TUSC3: variants seen among roughly 807,000 people sequenced by gnomAD.
TUSC3 encodes the protein tumor suppressor candidate 3, also known as dolichyl-diphosphooligosaccharide--protein glycosyltransferase subunit TUSC3.
Under a neutral mutation model 44.8 loss-of-function variants are expected in TUSC3, and 45 were observed. That is an observed-to-expected ratio of 1.00 (90% CI 0.79 to 1.29). The LOEUF is 1.29. Among genes scored for constraint, TUSC3 ranks in the 50% most tolerant of loss-of-function variants. The probability of loss-of-function intolerance (pLI) is 0.00; values close to 1 mark genes in which losing one functional copy is unlikely to be tolerated. For synonymous variants in TUSC3, 212 were observed against 152.9 expected (o/e 1.39, Z -2.85); for missense variants, 519 against 437.9 (o/e 1.19, Z -1.65).
intron 6 of TUSC3, among the ~76,000 whole-genome samples, chr8:15,714,526 G>C (rs1809988730): frequency 6.6e-6 from 1 of 152,140 alleles, no homozygotes; most frequent in African/African-American, 2.4e-5. Flanking sequence ...AGAAACTTTA[G>C]AGGTGATACC....
the TUSC3 span, chr8:15,806,908 A>C: frequency 7.3e-7 from 1 of 1,372,682 alleles, no homozygotes; most frequent in Admixed American, 1.7e-5. Context: ...ACATCTGTTG[A>C]CCCACTTCTA....
intron 2 of TUSC3, among the ~76,000 whole-genome samples, chr8:15,509,212 G>A (rs150683205): frequency 8.5e-5 from 13 of 152,318 alleles, no homozygotes; most frequent in African/African-American, 3.1e-4. Flanking sequence ...TATTGGAGAT[G>A]ATAGTCTTTT....
At chr8:15,795,731 G>A in the TUSC3 span, among the ~76,000 whole-genome samples, 1 of 152,196 alleles carries the variant, frequency 6.6e-6, no homozygotes, top group African/African-American at 2.4e-5. Flanking sequence ...ATCAGTTTTT[G>A]GGCAAAAGTC....
chr8:15,521,990 C>A (rs573849645), intron 2 of TUSC3, among the ~76,000 whole-genome samples: 2 of 152,342 alleles, frequency 1.3e-5, no homozygotes, highest in South Asian at 4.1e-4. Context: ...GTAACTCAAA[C>A]TACTGGGGTT....
At chr8:15,417,637 A>G (rs895204488) in intron 1 of TUSC3, among the ~76,000 whole-genome samples, 1 of 152,196 alleles carries the variant, frequency 6.6e-6, no homozygotes, top group Non-Finnish European at 1.5e-5. Context: ...GTAAATATAT[A>G]CTAGAGAGAA....
chr8:15,819,125 T>A, the TUSC3 span, among the ~76,000 whole-genome samples: 2 of 152,296 alleles, frequency 1.3e-5, no homozygotes, highest in African/African-American at 4.8e-5. Context: ...GTGCTTATTT[T>A]TTCATTCTCC....
At chr8:15,795,527 C>A in the TUSC3 span, among the ~76,000 whole-genome samples, 1 of 152,152 alleles carries the variant, frequency 6.6e-6, no homozygotes, top group Non-Finnish European at 1.5e-5. Flanking sequence ...CTAATGAGAG[C>A]CTCATTTTGG....
intron 1 of TUSC3, among the ~76,000 whole-genome samples, chr8:15,560,211 T>C (rs1286915163): frequency 8.2e-5 from 12 of 146,710 alleles, no homozygotes; most frequent in African/African-American, 3.0e-4. Flanking sequence ...GGTGACAAAA[T>C]CTCTCAGCAT....
At chr8:15,498,189 T>C (rs1002738220) in intron 2 of TUSC3, among the ~76,000 whole-genome samples, 60 of 152,120 alleles carry the variant, frequency 3.9e-4, no homozygotes, top group African/African-American at 1.3e-3. Context: ...GAAAAACAGA[T>C]GAGTTTATTT....
intron 1 of TUSC3, among the ~76,000 whole-genome samples, chr8:15,597,285 C>A (rs1434015574): frequency 6.6e-6 from 1 of 152,186 alleles, no homozygotes; most frequent in Admixed American, 6.5e-5. Context: ...GCCCTTAGAT[C>A]TTAAGAGATC....
intron 1 of TUSC3, among the ~76,000 whole-genome samples, chr8:15,550,583 C>G (rs1450707016): frequency 6.6e-6 from 1 of 151,548 alleles, no homozygotes; most frequent in Non-Finnish European, 1.5e-5. Context: ...TGCCCCCATC[C>G]CCTGTCCTTT....
intron 1 of TUSC3, among the ~76,000 whole-genome samples, chr8:15,446,713 C>T (rs890657527): frequency 9.9e-5 from 10 of 100,828 alleles, no homozygotes; most frequent in Admixed American, 1.6e-4. Flanking sequence ...AGAGGGAGAC[C>T]GTGGAAAGTG....
intron 8 of TUSC3, among the ~76,000 whole-genome samples, chr8:15,747,132 A>G (rs1159024994): frequency 1.3e-5 from 2 of 152,048 alleles, no homozygotes; most frequent in African/African-American, 4.8e-5. Context: ...TTTGCAGACC[A>G]TATTTTGACA....
intron 1 of TUSC3, among the ~76,000 whole-genome samples, chr8:15,550,640 C>T (rs142832558): frequency 6.6e-6 from 1 of 151,342 alleles, no homozygotes; most frequent in Non-Finnish European, 1.5e-5. Context: ...TTTCCTCTGT[C>T]TTTTTGTAGC....
the TUSC3 span, among the ~76,000 whole-genome samples, chr8:15,794,498 A>G: frequency 1.3e-5 from 2 of 152,318 alleles, no homozygotes; most frequent in South Asian, 4.1e-4. Context: ...CCTACTTGCA[A>G]TCCGGCAACT....
chr8:15,601,485 C>T (rs964923622), intron 1 of TUSC3, among the ~76,000 whole-genome samples: 9 of 151,622 alleles, frequency 5.9e-5, no homozygotes, highest in African/African-American at 2.2e-4. Flanking sequence ...AACATGACAG[C>T]AAAACTGAGA....
chr8:15,511,579 A>G (rs532605034), intron 2 of TUSC3, among the ~76,000 whole-genome samples: 2 of 152,198 alleles, frequency 1.3e-5, no homozygotes, highest in Non-Finnish European at 2.9e-5. Flanking sequence ...TAAAAGGTGT[A>G]TAAGAAAGGA....
Position 15,673,834 on chromosome 8 carries a change from G to C in TUSC3, c.796G>C (p.Val266Leu). The C allele has an allele frequency of 6.2e-7, 1 of 1,610,704 alleles. No individual in the cohort carries two copies. Among genetic ancestry groups the C allele is most frequent in the South Asian group, 1.1e-5 (1 of 90,984 alleles). Residue 266 changes from valine (V) to leucine (L), a missense_variant and splice_region_variant, in exon 6 of 11, where the codon GTG becomes CTG. Coordinates refer to ENST00000503731, the MANE Select transcript of TUSC3 (RefSeq NM_006765.4). Reference sequence around the variant, plus strand: ...TCATAAGAACCCACACAATGGACAAGTGGTAAGTGTAATTTATAAGCATGA... The same window carrying C: ...TCATAAGAACCCACACAATGGACAACTGGTAAGTGTAATTTATAAGCATGA... ...YAHKNPHNGQ[V>L]SYIHGSSQAQ...
intron 1 of TUSC3, among the ~76,000 whole-genome samples, chr8:15,458,903 T>G (rs1307988044): frequency 6.6e-6 from 1 of 152,208 alleles, no homozygotes; most frequent in Admixed American, 6.5e-5. Context: ...TCCTCTACTT[T>G]TGAAAGGCCA....
Sources: gnomAD v4.1 joint callset for allele counts (sites outside exome capture counted in the v4.1 genomes callset) on GRCh38, gnomAD v4.1.1 for gene constraint, MANE v1.5 for transcripts, NCBI Gene and HGNC (gene_info 2026-07-23, HGNC 2026-07-21) for gene names.